The following CCDC88C variants were observed in gnomAD, a reference collection of about 807,000 sequenced individuals.
CCDC88C encodes protein Daple.
A neutral mutation model predicts 198.8 loss-of-function variants in CCDC88C; 131 were observed. That is an observed-to-expected ratio of 0.66 (90% CI 0.57 to 0.76). The LOEUF (loss-of-function observed/expected upper bound fraction) is 0.76. Among genes scored for constraint, CCDC88C ranks in the 30% least tolerant of loss-of-function variants. CCDC88C has a pLI of 0.00. For synonymous variants in CCDC88C, 1,166 were observed against 1,114.7 expected, an observed-to-expected ratio of 1.05 and a Z score of -0.92; for missense variants, 2,553 against 2,631.6, an observed-to-expected ratio of 0.97 and a Z score of 0.65.
intron 4 of CCDC88C, among the ~76,000 whole-genome samples, chr14:91,350,698 TC>T (rs908244012): frequency 6.6e-6 from 1 of 151,944 alleles, no homozygotes; most frequent in Non-Finnish European, 1.5e-5. Context: ...CTAACTCAGC[TC>T]CCCACAACCA....
intron 15 of CCDC88C, among the ~76,000 whole-genome samples, chr14:91,311,257 T>C (rs550741840): frequency 6.6e-6 from 1 of 152,336 alleles, no homozygotes; most frequent in Admixed American, 6.5e-5. Context: ...TAACCTACGC[T>C]AACGAGCCGG....
In CCDC88C at chr14:91,325,275, T is replaced by G. The variant is rs150245406; in HGVS notation, c.1198-352A>C. On this transcript the variant is annotated intron_variant, in intron 11 of 29. Coordinates refer to ENST00000389857, the MANE Select transcript of CCDC88C (RefSeq NM_001080414.4). This position sits in a 1 kb window ranked among gnomAD's most constrained non-coding sequence, Gnocchi z 4.1. ...AAGCCCTAACAGGCCTCTAAAGCTG[T>G]TAACAGGCTAACAAATCACAGCTCA... Among the ~76,000 whole-genome samples, 575 of 152,280 alleles carry G rather than the reference T, an allele frequency of 3.8e-3. 3 individuals carry two copies. The highest frequency in any genetic ancestry group is 0.02 in the Middle Eastern group (6 of 294).
intron 3 of CCDC88C, among the ~76,000 whole-genome samples, chr14:91,407,089 C>G (rs545905348): frequency 6.6e-6 from 1 of 152,304 alleles, no homozygotes; most frequent in South Asian, 2.1e-4. Flanking sequence ...GCCAGCCCCC[C>G]CCACCCAACA....
intron 3 of CCDC88C, among the ~76,000 whole-genome samples, chr14:91,386,453 C>T (rs188058310): frequency 0.013 from 1,915 of 152,154 alleles, 12 homozygotes; most frequent in South Asian, 0.041. Flanking sequence ...AAGAGTGAAA[C>T]TCCATCTCTA....
chr14:91,324,729 G>C (rs1892509864), intron 12 of CCDC88C, 50 bp downstream of exon 12: 1 of 1,598,810 alleles, frequency 6.3e-7, no homozygotes, highest in Non-Finnish European at 8.5e-7. Flanking sequence ...CTCCCTGGAG[G>C]CAGCGGCGGC....
chr14:91,313,408 A>G lies in CCDC88C; in HGVS notation c.2408T>C (p.Leu803Pro), dbSNP rs774882891. The G allele has an allele frequency of 1.1e-5, 18 of 1,607,604 alleles. No homozygotes were observed. The South Asian group carries it at 1.3e-4, about 12-fold the overall frequency. Reference protein sequence around the residue: ...EAERQALRRDLEALRLANAQL... With the variant: ...EAERQALRRDPEALRLANAQL... Reference sequence around the variant, plus strand: ...TGCATTGGCCAGCCGGAGGGCCTCCAGGTCCCGCCGCAGCGCCTGGCGCTC... The same window carrying G: ...TGCATTGGCCAGCCGGAGGGCCTCCGGGTCCCGCCGCAGCGCCTGGCGCTC... The change falls in exon 15 of 30, where the codon CTG (leucine) becomes CCG (proline). Residue 803 changes from leucine (L) to proline (P), a missense_variant. Transcript: ENST00000389857. The surrounding 1 kb of genome is among the most constrained non-coding windows in gnomAD (Gnocchi z 5.2).
chr14:91,401,064 GA>G (rs1316422023), intron 3 of CCDC88C, among the ~76,000 whole-genome samples: 1 of 150,672 alleles, frequency 6.6e-6, no homozygotes. Flanking sequence ...CCTGGTAAAT[GA>G]AAAAAAGGCA....
rs1182725541 is a variant in CCDC88C at position 91,338,092 on chromosome 14, C to T, written c.963G>A (p.Lys321=). 1 of 1,613,942 alleles carries T rather than the reference C, an allele frequency of 6.2e-7. No homozygotes were observed. Residue 321 remains lysine, a synonymous_variant, in exon 10 of 30, where the codon AAG becomes AAA. Transcript: ENST00000389857. The surrounding 1 kb of genome is among the most constrained non-coding windows in gnomAD (Gnocchi z 4.8). ...GCTCCAGCCTCTCCACGCGGTTCGC[C>T]TTCTCCCGCAGGGAATCCAGCTCGT... is the stretch of plus-strand genomic sequence containing the variant. The part of the protein sequence containing the change: ...YRDELDSLRE[K]ANRVERLELE...
At position 91,273,024 on chromosome 14, in the gene CCDC88C, C is replaced by T; in HGVS notation, c.5688G>A (p.Leu1896=). ...CTGTGGCAGACTGATGCAGGGGGGC[C>T]AGCCTCTCCTCCTTTGGGGGAGCCA... The part of the protein sequence containing the change: ...FSLAPPKEER[L]APLHQSATAP... Residue 1896 remains leucine, a synonymous_variant, in exon 30 of 30, where the codon CTG becomes CTA. Transcript: ENST00000389857. The surrounding 1 kb of genome is among the most constrained non-coding windows in gnomAD (Gnocchi z 5.6). The T allele has an allele frequency of 6.4e-7, 1 of 1,554,738 alleles. No individual in the cohort carries two copies. The highest frequency in any genetic ancestry group is 1.2e-5 in the South Asian group (1 of 85,450).
At position 91,417,816 on chromosome 14, in the gene CCDC88C, AAG is replaced by A; in HGVS notation, c.-128_-127del. 4.6e-6 allele frequency: 2 copies of A among 434,070 alleles called. No individual in the cohort carries two copies. The highest frequency in any genetic ancestry group is 6.6e-6 in the Non-Finnish European group (2 of 303,730). 26.9% of individuals were successfully genotyped at this position (434,070 alleles called of 1,614,324 possible). On this transcript the variant is annotated 5_prime_UTR_variant, in exon 1 of 30. Coordinates refer to ENST00000389857, the MANE Select transcript of CCDC88C (RefSeq NM_001080414.4). ...TGCGGCGGCTCGCGCCCGGGAGACA[AAG>A]GCGGGGCGCGCGAGCCCACGTTCCG...
chr14:91,291,874 T>C (rs991643549), intron 23 of CCDC88C, among the ~76,000 whole-genome samples: 8 of 152,222 alleles, frequency 5.3e-5, no homozygotes, highest in African/African-American at 1.7e-4. Context: ...CGGGGAGACC[T>C]TGGCCTTCCT....
chr14:91,398,393 C>T lies in CCDC88C; in HGVS notation c.270+10266G>A, dbSNP rs151246751. On this transcript the variant is annotated intron_variant, in intron 3 of 29. Transcript: ENST00000389857. ...CAACACTGGCTGGCATGGTGGCTCA[C>T]GCCTGTAACCCCAACACCTTGGGAG... 1.8e-3 allele frequency among the ~76,000 whole-genome samples: 269 copies of T among 152,340 alleles called. 1 individual carries two copies. The highest frequency in any genetic ancestry group is 3.1e-3 in the Non-Finnish European group (211 of 68,032).
chr14:91,378,348 C>T (rs1475170338), intron 3 of CCDC88C, among the ~76,000 whole-genome samples: 1 of 152,222 alleles, frequency 6.6e-6, no homozygotes, highest in African/African-American at 2.4e-5. Context: ...CAGGCCATCA[C>T]AGCCTCAGCT....
intron 3 of CCDC88C, among the ~76,000 whole-genome samples, chr14:91,369,209 C>A (rs936176427): frequency 6.6e-6 from 1 of 152,176 alleles, no homozygotes; most frequent in Admixed American, 6.5e-5. Flanking sequence ...TAACGACTCA[C>A]GACACAGCCT....
At position 91,381,215 on chromosome 14, in the gene CCDC88C, T is replaced by A. The variant is rs75059313; in HGVS notation, c.271-21504A>T. On this transcript the variant is annotated intron_variant, in intron 3 of 29. Coordinates refer to ENST00000389857, the MANE Select transcript of CCDC88C (RefSeq NM_001080414.4). The surrounding 1 kb of genome is among the most constrained non-coding windows in gnomAD (Gnocchi z 4.2). ...CTTTCCCGGTACGGTCTGAGTCTCCTGTCCCCCAGCTTGTCCTCTGAAGGA... is the reference window on the plus strand; with the variant it reads ...CTTTCCCGGTACGGTCTGAGTCTCCAGTCCCCCAGCTTGTCCTCTGAAGGA... Among the ~76,000 whole-genome samples the A allele has an allele frequency of 0.15, 22,548 of 152,120 alleles. 1,957 individuals are homozygous for A. Among genetic ancestry groups the A allele is most frequent in the Admixed American group, 0.2 (3,130 of 15,286 alleles).
intron 4 of CCDC88C, among the ~76,000 whole-genome samples, chr14:91,349,518 G>A (rs188603497): frequency 6.6e-6 from 1 of 152,342 alleles, no homozygotes; most frequent in East Asian, 1.9e-4. Flanking sequence ...CACCAAAAAA[G>A]TCACAAGCAA....
intron 19 of CCDC88C, 66 bp from the exon 20 acceptor site, chr14:91,304,044 G>A: frequency 1.3e-6 from 2 of 1,548,120 alleles, no homozygotes; most frequent in Admixed American, 3.5e-5. Flanking sequence ...TGGGGAGCAG[G>A]TCAAGTGCTC....
chr14:91,397,186 G>A (rs536324842), intron 3 of CCDC88C, among the ~76,000 whole-genome samples: 19 of 152,114 alleles, frequency 1.2e-4, no homozygotes, highest in Non-Finnish European at 2.6e-4. Flanking sequence ...TCTCCAAGCA[G>A]ACCCTGTGAG....
chr14:91,384,009 A>G (rs543041104), intron 3 of CCDC88C, among the ~76,000 whole-genome samples: 7 of 152,326 alleles, frequency 4.6e-5, no homozygotes, highest in Admixed American at 3.3e-4. Context: ...CCTGGGTACC[A>G]CGGCACACTG....
Sources: allele counts gnomAD v4.1 joint callset (sites outside exome capture counted in the v4.1 genomes callset), GRCh38; gene constraint gnomAD v4.1.1; non-coding constraint Gnocchi (gnomAD v3.1); transcripts MANE v1.5; gene names NCBI Gene and HGNC (gene_info 2026-07-23, HGNC 2026-07-21).